VAV2: variants seen among roughly 807,000 people sequenced by gnomAD.
The protein encoded by VAV2 is guanine nucleotide exchange factor VAV2.
A neutral mutation model predicts 132.5 loss-of-function variants in VAV2; 67 were observed. The ratio of observed to expected loss-of-function variants is 0.51; its 90% CI spans 0.42 to 0.62. The LOEUF (loss-of-function observed/expected upper bound fraction) is 0.62. Ranked by LOEUF, VAV2 falls within the 20% of genes least tolerant of loss-of-function variation. The probability of loss-of-function intolerance (pLI) is 0.00; values close to 1 mark genes in which losing one functional copy is unlikely to be tolerated. For synonymous variants in VAV2, 492 were observed against 443.5 expected (o/e 1.11, Z -1.37); for missense variants, 938 against 1,153.6 (o/e 0.81, Z 2.71).
chr9:133,958,190 G>A (rs1294241408), intron 1 of VAV2, among the ~76,000 whole-genome samples: 4 of 130,410 alleles, frequency 3.1e-5, no homozygotes, highest in African/African-American at 8.1e-5. Flanking sequence ...CCCGACACCC[G>A]TAAAGGGTCT....
At position 133,776,173 on chromosome 9, in the gene VAV2, C is replaced by T. The variant is rs1833804425; in HGVS notation, c.1966-93G>A. On this transcript the variant is annotated intron_variant, in intron 23 of 29. Transcript: ENST00000371850. ...TCATTGTCAGTGACTGCCCTGTCCC[C>T]ACATTGGCTGCCCTGGAGGGGACTG... is the stretch of plus-strand genomic sequence containing the variant. 4.6e-6 allele frequency: 7 copies of T among 1,529,512 alleles called. No individual in the cohort carries two copies. In the East Asian group the frequency reaches 1.6e-4, roughly 36 times the overall value. The allele number at this position is 1,529,512 out of a possible 1,614,324, so 94.7% of individuals were successfully genotyped here.
rs1335546715 is a variant in VAV2 at position 133,961,072 on chromosome 9, G to T, written c.205-21853C>A. On this transcript the variant is annotated intron_variant, in intron 1 of 29. Coordinates refer to ENST00000371850, the MANE Select transcript of VAV2 (RefSeq NM_001134398.2). The surrounding 1 kb of genome is among the most constrained non-coding windows in gnomAD (Gnocchi z 4.1). ...CAGGGGCCTCCACTGGCCCACACCC[G>T]GCACACATCACGGGCGGCCCCAAGC... 6.6e-6 allele frequency among the ~76,000 whole-genome samples: 1 copy of T among 152,224 alleles called. No individual in the cohort carries two copies. The highest frequency in any genetic ancestry group is 2.4e-5 in the African/African-American group (1 of 41,462).
intron 1 of VAV2, among the ~76,000 whole-genome samples, chr9:133,941,733 A>G (rs1588148175): frequency 6.6e-6 from 1 of 151,798 alleles, no homozygotes; most frequent in East Asian, 2.0e-4. Flanking sequence ...CCTCCCGAGT[A>G]GCTGGGATTA....
intron 3 of VAV2, among the ~76,000 whole-genome samples, chr9:133,848,395 C>T (rs1837033865): frequency 6.6e-6 from 1 of 152,002 alleles, no homozygotes; most frequent in South Asian, 2.1e-4. Flanking sequence ...TCCTGGCAGG[C>T]GCTGGAGTAG....
chr9:133,880,806 T>C (rs891474664), intron 2 of VAV2, among the ~76,000 whole-genome samples: 2 of 152,220 alleles, frequency 1.3e-5, no homozygotes, highest in African/African-American at 2.4e-5. Context: ...AAAACTGCTC[T>C]AAAATATCTA....
intron 21 of VAV2, among the ~76,000 whole-genome samples, chr9:133,779,362 C>T (rs369528666): frequency 6.6e-6 from 1 of 152,222 alleles, no homozygotes; most frequent in Non-Finnish European, 1.5e-5. Context: ...CTGACCCAGC[C>T]CTGCCTGTAG....
At chr9:133,815,702 T>A (rs35033712) in intron 4 of VAV2, among the ~76,000 whole-genome samples, 1 of 151,992 alleles carries the variant, frequency 6.6e-6, no homozygotes, top group Non-Finnish European at 1.5e-5. Context: ...CTTCCTTCTT[T>A]ATGGACATTT....
intron 2 of VAV2, among the ~76,000 whole-genome samples, chr9:133,870,360 C>A (rs1372551211): frequency 3.3e-5 from 5 of 152,158 alleles, no homozygotes; most frequent in Non-Finnish European, 5.9e-5. Context: ...AGCAGCGACT[C>A]TGAAGGGGAA....
intron 4 of VAV2, among the ~76,000 whole-genome samples, chr9:133,813,886 C>T (rs985681136): frequency 6.6e-6 from 1 of 152,232 alleles, no homozygotes; most frequent in East Asian, 1.9e-4. Context: ...TTCTCTTGGG[C>T]CTCACAGAAT....
At chr9:133,860,378 G>A (rs1215909791) in intron 3 of VAV2, among the ~76,000 whole-genome samples, 2 of 151,928 alleles carry the variant, frequency 1.3e-5, no homozygotes, top group African/African-American at 4.8e-5. Flanking sequence ...TGTCCTCTGA[G>A]AATCCAACAA....
At chr9:133,781,210 C>A (rs796418546) in intron 19 of VAV2, among the ~76,000 whole-genome samples, 35 of 152,332 alleles carry the variant, frequency 2.3e-4, no homozygotes, top group African/African-American at 6.7e-4. Context: ...TGCTTGCCAT[C>A]CTCAGCTCAG....
intron 2 of VAV2, among the ~76,000 whole-genome samples, chr9:133,896,227 T>C (rs142560159): frequency 6.6e-6 from 1 of 152,170 alleles, no homozygotes; most frequent in South Asian, 2.1e-4. Context: ...GCGCGAGGCA[T>C]GCGGATCACT....
intron 2 of VAV2, among the ~76,000 whole-genome samples, chr9:133,872,369 C>T (rs1024405452): frequency 1.3e-5 from 2 of 152,254 alleles, no homozygotes; most frequent in Non-Finnish European, 2.9e-5. Flanking sequence ...TAACTTCCCC[C>T]TCTTCTCTGC....
chr9:133,859,241 G>A (rs59397238), intron 3 of VAV2, among the ~76,000 whole-genome samples: 7,650 of 152,304 alleles, frequency 0.05, 628 homozygotes, highest in African/African-American at 0.17. Flanking sequence ...ATGGGCTCCC[G>A]TTGCCACCTG....
chr9:133,882,547 T>C (rs539742038), intron 2 of VAV2, among the ~76,000 whole-genome samples: 1 of 151,838 alleles, frequency 6.6e-6, no homozygotes, highest in East Asian at 1.9e-4. Flanking sequence ...AGAAAAGACA[T>C]AGGGAGAAAG....
intron 1 of VAV2, among the ~76,000 whole-genome samples, chr9:133,946,892 G>A (rs551601987): frequency 6.3e-4 from 96 of 152,290 alleles, no homozygotes; most frequent in Admixed American, 1.3e-3. Flanking sequence ...AGGTGCTCAC[G>A]GAGACAGGAG....
chr9:133,865,589 T>A lies in VAV2; in HGVS notation c.322-4157A>T, dbSNP rs1166517582. 5.9e-5 allele frequency among the ~76,000 whole-genome samples: 9 copies of A among 152,380 alleles called. No homozygotes were observed. In the South Asian group the frequency reaches 1.9e-3, roughly 32 times the overall value. ...TTTCTCAAATTCCATCTGTTCTTTT[T>A]GTCTTGCTTGTTTGCTCATCATTTT... On this transcript the variant is annotated intron_variant, in intron 2 of 29. Transcript: ENST00000371850.
chr9:133,960,953 G>C (rs1355759228), intron 1 of VAV2, among the ~76,000 whole-genome samples: 1 of 152,248 alleles, frequency 6.6e-6, no homozygotes, highest in Non-Finnish European at 1.5e-5. Context: ...AGGATGGTGA[G>C]CACAGAGGCA....
chr9:133,830,090 A>G (rs1013009375), intron 4 of VAV2, among the ~76,000 whole-genome samples: 24 of 152,254 alleles, frequency 1.6e-4, no homozygotes, highest in African/African-American at 5.8e-4. Flanking sequence ...TCCTAAAACC[A>G]CATTTGCAGG....
Sources: gnomAD v4.1 joint callset for allele counts (sites outside exome capture counted in the v4.1 genomes callset) on GRCh38, gnomAD v4.1.1 for gene constraint, Gnocchi (gnomAD v3.1) non-coding constraint, MANE v1.5 for transcripts, NCBI Gene and HGNC (gene_info 2026-07-23, HGNC 2026-07-21) for gene names.